ASIC2: variants seen among roughly 807,000 people sequenced by gnomAD.
ASIC2 encodes the protein acid-sensing ion channel 2.
A neutral mutation model predicts 57.3 loss-of-function variants in ASIC2; 25 were observed. That is an observed-to-expected ratio of 0.44 (90% CI 0.32 to 0.61). ASIC2 has a LOEUF of 0.61. Ranked by LOEUF, ASIC2 falls within the 20% of genes least tolerant of loss-of-function variation. The probability of loss-of-function intolerance (pLI) is 0.06; values close to 1 mark genes in which losing one functional copy is unlikely to be tolerated. For missense variants in ASIC2, 641 were observed against 738.1 expected, an observed-to-expected ratio of 0.87 and a Z score of 1.52; for synonymous variants, 319 against 307.5, an observed-to-expected ratio of 1.04 and a Z score of -0.39.
chr17:33,937,894 G>A (rs1043507013), intron 1 of ASIC2, among the ~76,000 whole-genome samples: 5 of 152,188 alleles, frequency 3.3e-5, no homozygotes, highest in Non-Finnish European at 7.3e-5. Flanking sequence ...GACTTTTAGG[G>A]CTGGCAATTT....
At chr17:33,318,179 G>A (rs1408208708) in intron 1 of ASIC2, among the ~76,000 whole-genome samples, 1 of 152,104 alleles carries the variant, frequency 6.6e-6, no homozygotes, top group Non-Finnish European at 1.5e-5. Context: ...CTTTCTCTTC[G>A]AGGGGGCTTG....
intron 1 of ASIC2, among the ~76,000 whole-genome samples, chr17:33,974,281 C>T (rs1905306388): frequency 6.6e-6 from 1 of 152,144 alleles, no homozygotes; most frequent in South Asian, 2.1e-4. Flanking sequence ...GTCTCAGTGT[C>T]TTCAGCTACA....
intron 1 of ASIC2, among the ~76,000 whole-genome samples, chr17:33,456,321 G>A (rs1413481702): frequency 1.3e-5 from 2 of 151,888 alleles, no homozygotes; most frequent in Non-Finnish European, 2.9e-5. Flanking sequence ...AAACAGACCA[G>A]CCCCCAATAT....
At chr17:33,072,855 C>T (rs2092074709) in intron 3 of ASIC2, among the ~76,000 whole-genome samples, 1 of 152,212 alleles carries the variant, frequency 6.6e-6, no homozygotes, top group Admixed American at 6.5e-5. Flanking sequence ...TTCATTTCCC[C>T]ACTGGGAAGA....
At chr17:33,170,820 C>T (rs1024718921) in intron 1 of ASIC2, among the ~76,000 whole-genome samples, 1 of 152,218 alleles carries the variant, frequency 6.6e-6, no homozygotes, top group Non-Finnish European at 1.5e-5. Context: ...ATCAAATATT[C>T]ACTCTACTTT....
At chr17:33,817,700 C>A (rs1912627373) in intron 1 of ASIC2, among the ~76,000 whole-genome samples, 1 of 152,090 alleles carries the variant, frequency 6.6e-6, no homozygotes, top group Admixed American at 6.5e-5. Flanking sequence ...CTTAATACAA[C>A]CATATTTATT....
Position 33,250,245 on chromosome 17 carries a change from T to C in ASIC2, c.708+41163A>G, listed in dbSNP as rs1597650918. The stretch of plus-strand genomic sequence containing the variant: ...TTTCCTTGTGTTGATTTGAAACTAT[T>C]TGAGTTAGTCCTGACATAACACTCA... On this transcript the variant is annotated intron_variant, in intron 1 of 9. Transcript: ENST00000225823. 2.0e-5 allele frequency among the ~76,000 whole-genome samples: 3 copies of C among 152,240 alleles called. No individual in the cohort carries two copies. In the East Asian group the frequency reaches 5.8e-4, roughly 29 times the overall value.
chr17:33,540,638 G>C (rs529132718), intron 1 of ASIC2, among the ~76,000 whole-genome samples: 1 of 152,128 alleles, frequency 6.6e-6, no homozygotes, highest in Non-Finnish European at 1.5e-5. Context: ...GTGAGTTCTT[G>C]GACTCACTCC....
chr17:33,552,176 T>C (rs541327168), intron 1 of ASIC2, among the ~76,000 whole-genome samples: 1 of 152,358 alleles, frequency 6.6e-6, no homozygotes, highest in East Asian at 1.9e-4. Context: ...GGAAAGGGCC[T>C]CTGTTGAATA....
chr17:33,110,622 C>G (rs189133547), intron 2 of ASIC2, among the ~76,000 whole-genome samples: 1 of 152,138 alleles, frequency 6.6e-6, no homozygotes, highest in African/African-American at 2.4e-5. Context: ...GTCCCTGCAA[C>G]GGGGTGTTCG....
upstream of ASIC2, among the ~76,000 whole-genome samples, chr17:33,294,143 A>G (rs1023220514): frequency 1.3e-5 from 2 of 151,882 alleles, no homozygotes; most frequent in Non-Finnish European, 2.9e-5. Context: ...GGGACAGGAG[A>G]CTCCATCTTT....
rs535538796 is a variant in ASIC2, at chr17:34,060,668, G to T, written c.555+95310C>A. Among the ~76,000 whole-genome samples the T allele has an allele frequency of 1.2e-4, 18 of 152,214 alleles. No individual in the cohort carries two copies. The South Asian group carries it at 3.7e-3, about 32-fold the overall frequency. On this transcript the variant is annotated intron_variant, in intron 1 of 9. Transcript: ENST00000359872. ...AAAGAAAAAACAAGCAAAAATTCAG[G>T]AAACTTTGGACACACTTTTAGAAAT...
intron 1 of ASIC2, among the ~76,000 whole-genome samples, chr17:33,281,968 C>T (rs1904967779): frequency 6.6e-6 from 1 of 152,190 alleles, no homozygotes; most frequent in Non-Finnish European, 1.5e-5. Flanking sequence ...GTCCAAATTC[C>T]CAATCTTGCA....
Position 34,156,700 on chromosome 17 carries a change from G to C in ASIC2, c.-168C>G, listed in dbSNP as rs1904737422. On this transcript the variant is annotated 5_prime_UTR_variant, in exon 1 of 10. Coordinates refer to the ASIC2 transcript ENST00000359872. The surrounding 1 kb of genome is among the most constrained non-coding windows in gnomAD (Gnocchi z 4.4). ...CTGAGAGCCCAGCCGCACGCTGACA[G>C]GGGTGAGTGTTTATATAAAACCCAT... 1.5e-6 allele frequency: 1 copy of C among 671,256 alleles called. No individual in the cohort carries two copies. The highest frequency in any genetic ancestry group is 2.5e-6 in the Non-Finnish European group (1 of 404,756). 41.6% of individuals were successfully genotyped at this position (671,256 alleles called of 1,614,324 possible).
intron 1 of ASIC2, among the ~76,000 whole-genome samples, chr17:33,703,711 A>G (rs1394621027): frequency 6.6e-6 from 1 of 152,164 alleles, no homozygotes; most frequent in Non-Finnish European, 1.5e-5. Context: ...GGGAAGGTAC[A>G]TTCAGGGGAG....
intron 1 of ASIC2, among the ~76,000 whole-genome samples, chr17:33,782,532 G>C (rs936658469): frequency 4.6e-5 from 7 of 152,086 alleles, no homozygotes; most frequent in Non-Finnish European, 1.0e-4. Context: ...TTGGAGACCA[G>C]CCTGGCCAAC....
intron 1 of ASIC2, among the ~76,000 whole-genome samples, chr17:33,654,083 C>T (rs924891759): frequency 2.6e-5 from 4 of 152,178 alleles, no homozygotes; most frequent in African/African-American, 7.2e-5. Flanking sequence ...TCATTTTTCT[C>T]ATCTACAAAA....
At chr17:34,134,108 A>G (rs59960912) in intron 1 of ASIC2, among the ~76,000 whole-genome samples, 6,069 of 152,270 alleles carry the variant, frequency 0.04, 284 homozygotes, top group African/African-American at 0.11. Context: ...AGAAGCCAGC[A>G]TCCCTTCTTT....
At chr17:33,286,624 C>T (rs1046420573) in intron 1 of ASIC2, among the ~76,000 whole-genome samples, 18 of 152,206 alleles carry the variant, frequency 1.2e-4, no homozygotes, top group African/African-American at 4.1e-4. Context: ...GACTCCTGTC[C>T]TCTCACCCTG....
Sources: gnomAD v4.1 joint callset for allele counts (sites outside exome capture counted in the v4.1 genomes callset) on GRCh38, gnomAD v4.1.1 for gene constraint, Gnocchi (gnomAD v3.1) non-coding constraint, MANE v1.5 for transcripts, NCBI Gene and HGNC (gene_info 2026-07-23, HGNC 2026-07-21) for gene names.